Variants in ZNF2 observed in about 807,000 individuals in gnomAD.
ZNF2 encodes zinc finger protein 2.
In ZNF2, 12 loss-of-function variants were observed where a neutral mutation model predicts 21.9. The observed-to-expected ratio is 0.55, with a 90% CI of 0.35 to 0.89. The LOEUF (loss-of-function observed/expected upper bound fraction) is 0.89, where lower values mean the gene tolerates loss of function less well. Ranked by LOEUF, ZNF2 falls within the 40% of genes least tolerant of loss-of-function variation. The pLI, the probability that ZNF2 is intolerant of heterozygous loss-of-function variation, is 0.01. For synonymous variants in ZNF2, 186 were observed against 196.3 expected (o/e 0.95, Z 0.44); for missense variants, 462 against 544.2 (o/e 0.85, Z 1.50).
chr2:95,179,370 G>A (rs1239975634), intron 3 of ZNF2, among the ~76,000 whole-genome samples: 1 of 152,172 alleles, frequency 6.6e-6, no homozygotes, highest in Non-Finnish European at 1.5e-5. Context: ...TACACTGTAG[G>A]CAAGGTGATT....
Position 95,181,334 on chromosome 2 carries a change from A to G in ZNF2, c.506A>G (p.Lys169Arg), listed in dbSNP as rs1674640163. 1 of 1,614,182 alleles carries G rather than the reference A, an allele frequency of 6.2e-7. No individual in the cohort carries two copies. Residue 169 changes from lysine (K) to arginine (R), a missense_variant, in exon 5 of 5, where the codon AAA (lysine) becomes AGA (arginine). Lys to Arg is a conservative substitution (Grantham distance 26). Transcript: ENST00000614034. ...RSALSREILT[K>R]ERHQECSDCG... ...GCCCTGTCCAGGGAAATTCTCACTAAAGAGAGACACCAGGAATGCAGTGAC... is the reference window on the plus strand; with the variant it reads ...GCCCTGTCCAGGGAAATTCTCACTAGAGAGAGACACCAGGAATGCAGTGAC...
At position 95,181,190 on chromosome 2, in the gene ZNF2, T is replaced by A. The variant is rs774002600; in HGVS notation, c.362T>A (p.Leu121Gln). Residue 121 changes from leucine (L) to glutamine (Q), a missense_variant, in exon 5 of 5, where the codon CTG (leucine) becomes CAG (glutamine). Coordinates refer to ENST00000614034, the MANE Select transcript of ZNF2 (RefSeq NM_021088.4). Reference protein sequence around the residue: ...LRECLGRQSPLCPKFEVHTPN... With the variant: ...LRECLGRQSPQCPKFEVHTPN... ...GAATGCCTTGGAAGGCAAAGTCCTC[T>A]GTGTCCTAAATTTGAAGTTCATACA... The A allele has an allele frequency of 6.2e-7, 1 of 1,614,116 alleles. No homozygotes were observed. The highest frequency in any genetic ancestry group is 1.1e-5 in the South Asian group (1 of 91,090).
Position 95,177,356 on chromosome 2 carries a change from A to C in ZNF2, c.34-127A>C, listed in dbSNP as rs1213502464. 6 of 1,109,772 alleles carry C rather than the reference A, an allele frequency of 5.4e-6. No individual in the cohort carries two copies. The Admixed American group carries it at 1.2e-4, about 22-fold the overall frequency. The allele number at this position is 1,109,772 out of a possible 1,614,324, so 68.7% of individuals were successfully genotyped here. On this transcript the variant is annotated intron_variant, in intron 2 of 4. Coordinates refer to ENST00000614034, the MANE Select transcript of ZNF2 (RefSeq NM_021088.4). ...CTTTTCCCAAATGCTTTAAAGTTCT[A>C]CTCAGTCAGAACTGTTTTTCTTTCC...
Position 95,181,519 on chromosome 2 carries a change from T to C in ZNF2, c.691T>C (p.Cys231Arg), listed in dbSNP as rs1186715811. The change falls in exon 5 of 5, where the codon TGC becomes CGC. Residue 231 changes from cysteine to arginine, a missense_variant. Physicochemically the swap from Cys to Arg is radical, Grantham distance 180. Coordinates refer to ENST00000614034, the MANE Select transcript of ZNF2 (RefSeq NM_021088.4). Reference sequence around the variant, plus strand: ...ACACACTGGGGAGAGCCCCTACGAGTGCAGTGTGTGCTCAAAAGCCTTCTT... The same window carrying C: ...ACACACTGGGGAGAGCCCCTACGAGCGCAGTGTGTGCTCAAAAGCCTTCTT... ...MSHTGESPYE[C>R]SVCSKAFFDR... 1 of 1,614,052 alleles carries C rather than the reference T, an allele frequency of 6.2e-7. No individual in the cohort carries two copies. The highest frequency in any genetic ancestry group is 1.7e-5 in the Admixed American group (1 of 60,016).
At position 95,180,269 on chromosome 2, in the gene ZNF2, C is replaced by G. The variant is rs376107228; in HGVS notation, c.271C>G (p.Leu91Val). ...EEREWPESVS[L>V]DWETKPEIHD... The stretch of plus-strand genomic sequence containing the variant: ...GAGAGAATGGCCAGAGAGTGTCTCT[C>G]TAGGTAACTGAGTGTGAACAAGACA... The change falls in exon 4 of 5, where the codon CTA becomes GTA. Residue 91 changes from leucine to valine, a missense_variant. Leu to Val is a conservative substitution (Grantham distance 32, BLOSUM62 1). Transcript: ENST00000614034. 8.7e-5 allele frequency: 140 copies of G among 1,606,458 alleles called. No individual in the cohort carries two copies. Among genetic ancestry groups the G allele is most frequent in the Non-Finnish European group, 1.2e-4 (138 of 1,173,484 alleles).
chr2:95,168,940 A>G lies in ZNF2; in HGVS notation c.-40+3080A>G, dbSNP rs1434691913. On this transcript the variant is annotated intron_variant, in intron 1 of 4. Transcript: ENST00000614034. ...ATAGCCATGTAGCTAAGATGGGAGC[A>G]GTAAAAGCTTTCTGGACGATGTCAA... 3.3e-5 allele frequency among the ~76,000 whole-genome samples: 5 copies of G among 152,378 alleles called. No individual in the cohort carries two copies. The East Asian group carries it at 7.7e-4, about 23-fold the overall frequency.
In ZNF2 at chr2:95,181,539, C is replaced by T. The variant is rs755097683; in HGVS notation, c.711C>T (p.Ala237=). ...SPYECSVCSK[A]FFDRSSLTVH... is the part of the protein sequence containing the mutation. ...ACGAGTGCAGTGTGTGCTCAAAAGC[C>T]TTCTTTGACCGTTCGTCCCTAACTG... The change falls in exon 5 of 5, where the codon GCC becomes GCT. Residue 237 remains alanine, a synonymous_variant. Transcript: ENST00000614034. 5.0e-6 allele frequency: 8 copies of T among 1,614,046 alleles called. No individual in the cohort carries two copies. The highest frequency in any genetic ancestry group is 6.8e-6 in the Non-Finnish European group (8 of 1,180,048).
intron 1 of ZNF2, among the ~76,000 whole-genome samples, chr2:95,171,051 G>A (rs1674250127): frequency 6.6e-6 from 1 of 152,026 alleles, no homozygotes; most frequent in Non-Finnish European, 1.5e-5. Flanking sequence ...AACTTTTATG[G>A]CATATTTTAT....
At chr2:95,166,028 A>G (rs1331148206) in intron 1 of ZNF2, among the ~76,000 whole-genome samples, 168 bp downstream of exon 1, 1 of 151,976 alleles carries the variant, frequency 6.6e-6, no homozygotes, top group Non-Finnish European at 1.5e-5. Context: ...AAAGTTGTGC[A>G]TCCACCCCCG....
At chr2:95,176,440 A>C (rs140570723) in intron 2 of ZNF2, among the ~76,000 whole-genome samples, 181 bp downstream of exon 2, 46 of 152,312 alleles carry the variant, frequency 3.0e-4, no homozygotes, top group African/African-American at 9.9e-4. Context: ...TGCTGTGAGC[A>C]TGTGCCCATT....
At chr2:95,178,711 T>G (rs1224510552) in intron 3 of ZNF2, among the ~76,000 whole-genome samples, 1 of 152,216 alleles carries the variant, frequency 6.6e-6, no homozygotes, top group Non-Finnish European at 1.5e-5. Flanking sequence ...CTTCAGGGAA[T>G]TTATCCTAAG....
Position 95,181,369 on chromosome 2 carries a change from A to T in ZNF2, c.541A>T (p.Thr181Ser). The change falls in exon 5 of 5, where the codon ACC becomes TCC. Residue 181 changes from threonine (T) to serine (S), a missense_variant. By Grantham distance (58) the Thr-to-Ser change is moderately conservative (BLOSUM62 1). Coordinates refer to ENST00000614034, the MANE Select transcript of ZNF2 (RefSeq NM_021088.4). The part of the protein sequence containing the change: ...RHQECSDCGK[T>S]FFDHSSLTRH... ...CCAGGAATGCAGTGACTGTGGGAAG[A>T]CCTTTTTTGACCACTCATCCCTCAC... is the stretch of plus-strand genomic sequence containing the variant. The T allele has an allele frequency of 6.2e-7, 1 of 1,614,136 alleles. No individual in the cohort carries two copies. The highest frequency in any genetic ancestry group is 8.5e-7 in the Non-Finnish European group (1 of 1,180,006).
rs1573388987 is a variant in ZNF2, at chr2:95,165,850, C to G, written c.-50C>G. ...GCCGTCTTCCCGGGTCCCGAGCACTCTGTGCCGGAGGTGAGGGTTGTGGGT... is the reference window on the plus strand; with the variant it reads ...GCCGTCTTCCCGGGTCCCGAGCACTGTGTGCCGGAGGTGAGGGTTGTGGGT... On this transcript the variant is annotated 5_prime_UTR_variant, in exon 1 of 5. Transcript: ENST00000614034. The G allele has an allele frequency of 2.6e-5, 4 of 152,344 alleles. No homozygotes were observed. The highest frequency in any genetic ancestry group is 2.1e-4 in the South Asian group (1 of 4,830). The allele number at this position is 152,344 out of a possible 1,614,324, so 9.4% of individuals were successfully genotyped here.
At position 95,176,886 on chromosome 2, in the gene ZNF2, T is replaced by C. The variant is rs1330962545; in HGVS notation, c.34-597T>C. Among the ~76,000 whole-genome samples, 18 of 149,698 alleles carry C rather than the reference T, an allele frequency of 1.2e-4. No individual in the cohort carries two copies. In the Admixed American group the frequency reaches 1.2e-3, roughly 10 times the overall value. On this transcript the variant is annotated intron_variant, in intron 2 of 4. Transcript: ENST00000614034. ...AATGAAATGAGAGGGATCCTACAGATGATCTAATCAACACCATTATTCTAA... is the reference window on the plus strand; with the variant it reads ...AATGAAATGAGAGGGATCCTACAGACGATCTAATCAACACCATTATTCTAA...
At chr2:95,174,546 C>T (rs1674378809) in intron 1 of ZNF2, among the ~76,000 whole-genome samples, 1 of 152,180 alleles carries the variant, frequency 6.6e-6, no homozygotes, top group Non-Finnish European at 1.5e-5. Context: ...TTTTGAAAAA[C>T]TTGAGGTTTT....
intron 1 of ZNF2, among the ~76,000 whole-genome samples, chr2:95,173,012 G>A (rs1313408358): frequency 6.6e-6 from 1 of 150,740 alleles, no homozygotes; most frequent in Non-Finnish European, 1.5e-5. Context: ...TAAAGCTGAA[G>A]TATCCTGGGT....
Position 95,167,531 on chromosome 2 carries a change from G to T in ZNF2, c.-40+1671G>T, listed in dbSNP as rs560580353. ...AAAAAAAAAAAAAAAAAAAAAGAAAGAAATAGAGATAATAGGATCAGAAAT... is the reference window on the plus strand; with the variant it reads ...AAAAAAAAAAAAAAAAAAAAAGAAATAAATAGAGATAATAGGATCAGAAAT... On this transcript the variant is annotated intron_variant, in intron 1 of 4. Coordinates refer to ENST00000614034, the MANE Select transcript of ZNF2 (RefSeq NM_021088.4). Among the ~76,000 whole-genome samples, 13 of 145,118 alleles carry T rather than the reference G, an allele frequency of 9.0e-5. No individual in the cohort carries two copies. In the East Asian group the frequency reaches 1.4e-3, roughly 16 times the overall value.
Sources: gnomAD v4.1 joint callset for allele counts (sites outside exome capture counted in the v4.1 genomes callset) on GRCh38, gnomAD v4.1.1 for gene constraint, MANE v1.5 for transcripts, NCBI Gene and HGNC (gene_info 2026-07-23, HGNC 2026-07-21) for gene names.